The following PDLIM5 variants were observed in gnomAD, a reference collection of about 807,000 sequenced individuals.
PDLIM5 encodes the protein PDZ and LIM domain 5.
In PDLIM5, 34 loss-of-function variants were observed where a neutral mutation model predicts 64.2. That is an observed-to-expected ratio of 0.53 (90% CI 0.40 to 0.71). The LOEUF is 0.71. Ranked by LOEUF, PDLIM5 falls within the 30% of genes least tolerant of loss-of-function variation. PDLIM5 has a pLI of 0.00. For synonymous variants in PDLIM5, 253 were observed against 269.1 expected (o/e 0.94, Z 0.59); for missense variants, 683 against 733.6 (o/e 0.93, Z 0.80).
intron 2 of PDLIM5, among the ~76,000 whole-genome samples, chr4:94,464,657 T>C (rs181976907): frequency 2.2e-4 from 34 of 152,362 alleles, no homozygotes; most frequent in Admixed American, 2.2e-3. Flanking sequence ...GTGTTACACA[T>C]ATAATTTCCA....
chr4:94,511,464 A>G, intron 2 of PDLIM5, among the ~76,000 whole-genome samples: 1 of 152,182 alleles, frequency 6.6e-6, no homozygotes, highest in East Asian at 1.9e-4. Flanking sequence ...TTTGTGTTAC[A>G]AACAATCCAA....
chr4:94,496,544 C>T (rs141547851), intron 2 of PDLIM5, among the ~76,000 whole-genome samples: 5 of 152,282 alleles, frequency 3.3e-5, no homozygotes, highest in African/African-American at 9.6e-5. Context: ...GGCTAGGGTG[C>T]AGTGGTACAA....
At chr4:94,579,951 T>A (rs906192618) in intron 5 of PDLIM5, among the ~76,000 whole-genome samples, 1 of 152,166 alleles carries the variant, frequency 6.6e-6, no homozygotes, top group Non-Finnish European at 1.5e-5. Flanking sequence ...AGAACCTTTA[T>A]GATTTTTCTA....
chr4:94,629,590 C>T (rs1008381706), intron 8 of PDLIM5, among the ~76,000 whole-genome samples: 6 of 152,088 alleles, frequency 3.9e-5, no homozygotes, highest in African/African-American at 1.2e-4. Context: ...TAATCCAAGT[C>T]CCCACACTCA....
chr4:94,565,462 A>G (rs1734238203), intron 3 of PDLIM5, among the ~76,000 whole-genome samples: 1 of 152,200 alleles, frequency 6.6e-6, no homozygotes, highest in East Asian at 1.9e-4. Flanking sequence ...AATCTAATTC[A>G]TTCTGTTATT....
intron 7 of PDLIM5, among the ~76,000 whole-genome samples, chr4:94,604,319 A>G (rs1361061245): frequency 2.0e-5 from 3 of 152,178 alleles, no homozygotes; most frequent in Admixed American, 1.3e-4. Flanking sequence ...TCTTCGGGTC[A>G]GGCTTAGGAG....
intron 5 of PDLIM5, among the ~76,000 whole-genome samples, chr4:94,578,649 T>C (rs1735485160): frequency 6.6e-6 from 1 of 151,972 alleles, no homozygotes; most frequent in Non-Finnish European, 1.5e-5. Flanking sequence ...TTTTGAAGAG[T>C]AGGTGTTTTG....
chr4:94,457,079 TAC>T, intron 2 of PDLIM5: 8 of 857,184 alleles, frequency 9.3e-6, no homozygotes, highest in Non-Finnish European at 1.1e-5. Flanking sequence ...TAAATATATA[TAC>T]ACACACATAC....
chr4:94,550,492 T>C (rs767351760), intron 3 of PDLIM5, among the ~76,000 whole-genome samples: 9 of 152,176 alleles, frequency 5.9e-5, no homozygotes, highest in South Asian at 2.1e-4. Context: ...AAGCAAACAG[T>C]GTGGCTTTGG....
chr4:94,657,886 A>G lies in PDLIM5; in HGVS notation c.1585+339A>G, dbSNP rs933078173. 2.6e-5 allele frequency among the ~76,000 whole-genome samples: 4 copies of G among 152,178 alleles called. No individual in the cohort carries two copies. The East Asian group carries it at 7.7e-4, about 29-fold the overall frequency. On this transcript the variant is annotated intron_variant, in intron 11 of 12. Coordinates refer to ENST00000317968, the MANE Select transcript of PDLIM5 (RefSeq NM_006457.5). ...CATGCTCGGCTCATTTTGTATTTTT[A>G]GTAGAGACAGGGTTTCGTCATGTTG... is the stretch of plus-strand genomic sequence containing the variant.
chr4:94,654,733 C>A, intron 10 of PDLIM5, 93 bp downstream of exon 10: 1 of 820,294 alleles, frequency 1.2e-6, no homozygotes, highest in Non-Finnish European at 2.0e-6. Context: ...TTTTTATTTT[C>A]TTCTTGCTTT....
At chr4:94,606,357 A>G (rs1737919924) in intron 7 of PDLIM5, among the ~76,000 whole-genome samples, 1 of 152,184 alleles carries the variant, frequency 6.6e-6, no homozygotes, top group Admixed American at 6.5e-5. Flanking sequence ...GGCTTGGGGA[A>G]TCAGGGAGGC....
chr4:94,603,706 T>A (rs1427068900), intron 7 of PDLIM5, among the ~76,000 whole-genome samples: 2 of 152,202 alleles, frequency 1.3e-5, no homozygotes, highest in Non-Finnish European at 1.5e-5. Context: ...CGTGTGTGAG[T>A]GTGCTGGGAC....
At chr4:94,479,054 C>A (rs117608205) in intron 2 of PDLIM5, among the ~76,000 whole-genome samples, 1,778 of 151,048 alleles carry the variant, frequency 0.012, 40 homozygotes, top group African/African-American at 0.041. Flanking sequence ...CATGTGCCAC[C>A]GGGGCTGGAT....
intron 7 of PDLIM5, among the ~76,000 whole-genome samples, chr4:94,602,248 A>C (rs1737565722): frequency 1.3e-5 from 2 of 152,198 alleles, no homozygotes; most frequent in African/African-American, 4.8e-5. Flanking sequence ...TATATTCAGA[A>C]ATAGGAAGCA....
chr4:94,612,982 T>A (rs1258010725), intron 7 of PDLIM5, among the ~76,000 whole-genome samples: 1 of 151,378 alleles, frequency 6.6e-6, no homozygotes, highest in African/African-American at 2.4e-5. Context: ...AATTTTGGTT[T>A]ACAAACTCTA....
rs200298588 is a variant in PDLIM5, at chr4:94,575,722, G to A, written c.398G>A (p.Gly133Asp). 6.2e-7 allele frequency: 1 copy of A among 1,614,012 alleles called. No individual in the cohort carries two copies. Among genetic ancestry groups the A allele is most frequent in the Non-Finnish European group, 8.5e-7 (1 of 1,179,964 alleles). Residue 133 changes from glycine (G) to aspartate (D), a missense_variant, in exon 5 of 13, where the codon GGT (glycine) becomes GAT (aspartate). Transcript: ENST00000317968. ...MAYNKAPRPF[G>D]SVSSPKVTSI... ...TACAATAAGGCACCACGGCCTTTTG[G>A]TTCTGTGTCTTCACCAAAAGTCACA...
rs772288642 is a variant in PDLIM5, at chr4:94,455,449, T to G, written c.96+65T>G. 3 of 1,015,560 alleles carry G rather than the reference T, an allele frequency of 3.0e-6. No homozygotes were observed. In the East Asian group the frequency reaches 7.4e-5, roughly 25 times the overall value. The allele number at this position is 1,015,560 out of a possible 1,614,324, so 62.9% of individuals were successfully genotyped here. A position where few individuals can be genotyped will look rare whatever the true frequency, so the allele number is the denominator to read the frequency against. On this transcript the variant is annotated intron_variant, in intron 2 of 12. Coordinates refer to ENST00000317968, the MANE Select transcript of PDLIM5 (RefSeq NM_006457.5). Reference sequence around the variant, plus strand: ...AGTGCTTAGTCCTCGGGCTGAGTTGTTTAATTCTCTGTTGACCTGTACTCT... The same window carrying G: ...AGTGCTTAGTCCTCGGGCTGAGTTGGTTAATTCTCTGTTGACCTGTACTCT...
intron 3 of PDLIM5, among the ~76,000 whole-genome samples, chr4:94,543,293 T>G (rs764965036): frequency 1.3e-5 from 2 of 152,054 alleles, no homozygotes; most frequent in South Asian, 4.1e-4. Flanking sequence ...GTTTTTTTTT[T>G]AATTATTTCT....
Sources: gnomAD v4.1 joint callset for allele counts (sites outside exome capture counted in the v4.1 genomes callset) on GRCh38, gnomAD v4.1.1 for gene constraint, MANE v1.5 for transcripts, NCBI Gene and HGNC (gene_info 2026-07-23, HGNC 2026-07-21) for gene names.